Variants in ADSL observed in about 807,000 individuals in gnomAD.
ADSL encodes the protein adenylosuccinate lyase.
In ADSL, 44 loss-of-function variants were observed where a neutral mutation model predicts 62.1. The observed-to-expected ratio is 0.71, with a 90% CI of 0.56 to 0.91. The LOEUF is 0.91. Ranked by LOEUF, ADSL falls within the 40% of genes least tolerant of loss-of-function variation. The pLI is 0.00. For missense variants in ADSL, 531 were observed against 627.4 expected, an observed-to-expected ratio of 0.85 and a Z score of 1.64; for synonymous variants, 198 against 220.5, an observed-to-expected ratio of 0.90 and a Z score of 0.90.
At chr22:40,353,403 C>G in intron 3 of ADSL, 1 of 702,400 alleles carries the variant, frequency 1.4e-6, no homozygotes, top group South Asian at 1.5e-5. Flanking sequence ...GACAGCTCTC[C>G]TGTCTCAGTC....
At chr22:40,359,406 C>G (rs538222513) in intron 6 of ADSL, 100 bp downstream of exon 6, 7 of 1,177,804 alleles carry the variant, frequency 5.9e-6, no homozygotes, top group Non-Finnish European at 2.5e-6. Context: ...CCTTTTTCTT[C>G]CTTTGTTCTT....
At chr22:40,348,733 T>C in intron 1 of ADSL, 1 of 397,120 alleles carries the variant, frequency 2.5e-6, no homozygotes, top group Non-Finnish European at 4.4e-6. Flanking sequence ...AATAGCCATA[T>C]CTGGCTAGTA....
At chr22:40,387,309 ATTC>A (rs1350223967) in intron 2 of ADSL, 2 of 398,016 alleles carry the variant, frequency 5.0e-6, no homozygotes, top group African/African-American at 4.1e-5. Context: ...TATAATTACC[ATTC>A]TTTAGGGTAA....
chr22:40,349,096 A>G (rs2044250352), intron 1 of ADSL, among the ~76,000 whole-genome samples: 1 of 152,204 alleles, frequency 6.6e-6, no homozygotes, highest in Admixed American at 6.5e-5. Flanking sequence ...AGCACTAAGG[A>G]TTAAGCAATA....
chr22:40,385,154 G>A (rs1330110586), intron 2 of ADSL, among the ~76,000 whole-genome samples: 2 of 152,216 alleles, frequency 1.3e-5, no homozygotes, highest in Non-Finnish European at 2.9e-5. Flanking sequence ...AGGAAATGAA[G>A]CCATAGGAAC....
At chr22:40,364,679 GCAT>G in intron 11 of ADSL, 198 bp from the exon 12 acceptor site, 2 of 648,172 alleles carry the variant, frequency 3.1e-6, no homozygotes, top group South Asian at 3.6e-5. Context: ...AGCAAGGTGG[GCAT>G]CCATTTCAGG....
intron 4 of ADSL, among the ~76,000 whole-genome samples, chr22:40,357,053 A>G (rs952685464): frequency 2.0e-5 from 3 of 151,778 alleles, no homozygotes; most frequent in Non-Finnish European, 4.4e-5. Flanking sequence ...GCACCACCAC[A>G]CTTGGCCAGT....
chr22:40,371,627 A>G (rs1169567545), downstream of ADSL, among the ~76,000 whole-genome samples: 1 of 152,156 alleles, frequency 6.6e-6, no homozygotes, highest in African/African-American at 2.4e-5. Context: ...CACTCTAAAC[A>G]GTTGAATTAC....
At chr22:40,365,105 A>C (rs2044952829) in intron 12 of ADSL, 49 bp downstream of exon 12, 2 of 1,562,994 alleles carry the variant, frequency 1.3e-6, no homozygotes, top group Admixed American at 1.7e-5. Flanking sequence ...AACCTGGGGT[A>C]CTCTCTTTGA....
chr22:40,380,997 T>C lies in ADSL; in HGVS notation c.90-9233T>C, dbSNP rs531879937. Reference sequence around the variant, plus strand: ...GCTTCTATTTTTGTAAATTGTATTTTCCCCCATTGATTCACATAATATAAG... The same window carrying C: ...GCTTCTATTTTTGTAAATTGTATTTCCCCCCATTGATTCACATAATATAAG... On this transcript the variant is annotated intron_variant, in intron 2 of 2. Coordinates refer to the ADSL transcript ENST00000498234. Among the ~76,000 whole-genome samples the C allele has an allele frequency of 7.9e-5, 12 of 152,226 alleles. No homozygotes were observed. In the South Asian group the frequency reaches 2.5e-3, roughly 32 times the overall value.
chr22:40,370,354 C>CA (rs11328048), downstream of ADSL, among the ~76,000 whole-genome samples: 12,854 of 86,024 alleles, frequency 0.15, 815 homozygotes, highest in Middle Eastern at 0.25. Context: ...GACTCCATCT[C>CA]AAAAAAAAAA....
intron 11 of ADSL, 144 bp from the exon 12 acceptor site, chr22:40,364,735 CA>C: frequency 3.6e-6 from 3 of 835,540 alleles, no homozygotes; most frequent in Non-Finnish European, 6.0e-6. Context: ...GACCCTGGTA[CA>C]GATAGACACA....
chr22:40,380,075 T>C (rs1219475022), intron 2 of ADSL, among the ~76,000 whole-genome samples: 2 of 152,100 alleles, frequency 1.3e-5, no homozygotes, highest in African/African-American at 4.8e-5. Flanking sequence ...GTCAATGAAA[T>C]TATAATCCCA....
At chr22:40,359,218 G>C (rs138661558) in intron 5 of ADSL, 42 bp from the exon 6 acceptor site, 1 of 1,608,570 alleles carries the variant, frequency 6.2e-7, no homozygotes, top group African/African-American at 1.3e-5. Context: ...TTCTCACACT[G>C]GACACATGGA....
intron 5 of ADSL, 108 bp downstream of exon 5, chr22:40,359,143 T>C: frequency 6.3e-7 from 1 of 1,589,156 alleles, no homozygotes; most frequent in Non-Finnish European, 8.6e-7. Flanking sequence ...GGGTGGGGTC[T>C]TTCGACTAGA....
intron 11 of ADSL, chr22:40,364,633 G>A (rs958001635): frequency 3.2e-6 from 2 of 626,660 alleles, no homozygotes; most frequent in Non-Finnish European, 5.7e-6. Flanking sequence ...CAGGAAACGA[G>A]CAAATGATTC....
Position 40,361,586 on chromosome 22 carries a change from A to T in ADSL, c.961A>T (p.Thr321Ser), listed in dbSNP as rs1375565387. 1 of 1,614,054 alleles carries T rather than the reference A, an allele frequency of 6.2e-7. No homozygotes were observed. The highest frequency in any genetic ancestry group is 8.5e-7 in the Non-Finnish European group (1 of 1,180,056). ...LMTLVMDPLQTASVQWFERTL... is the reference protein window; with the variant it reads ...LMTLVMDPLQSASVQWFERTL... ...GACCCTTGTCATGGACCCGCTACAG[A>T]CAGCATCTGTCCAGTGGTTTGAACG... Residue 321 changes from threonine to serine, a missense_variant, in exon 9 of 13, where the codon ACA becomes TCA. By Grantham distance (58) the Thr-to-Ser change is moderately conservative. Around this residue, in one of 2 missense-constraint regions of ADSL, gnomAD observed 471 missense variants for 592.9 expected, o/e 0.79. Transcript: ENST00000623063.
downstream of ADSL, among the ~76,000 whole-genome samples, chr22:40,374,170 T>C (rs538421575): frequency 6.6e-5 from 10 of 152,146 alleles, no homozygotes; most frequent in East Asian, 1.9e-3. Context: ...TTAGCCAGAA[T>C]GGTCTTGATC....
At chr22:40,347,621 A>G (rs950927289) in intron 1 of ADSL, among the ~76,000 whole-genome samples, 2 of 152,232 alleles carry the variant, frequency 1.3e-5, no homozygotes, top group Non-Finnish European at 2.9e-5. Flanking sequence ...GGAAACTTTC[A>G]TTCTAGATTC....
Sources: allele counts gnomAD v4.1 joint callset (sites outside exome capture counted in the v4.1 genomes callset), GRCh38; gene constraint gnomAD v4.1.1; regional missense constraint gnomAD v4.1.1; transcripts MANE v1.5; gene names NCBI Gene and HGNC (gene_info 2026-07-23, HGNC 2026-07-21).